Variants in PEBP4 observed in about 807,000 individuals in gnomAD.
PEBP4 encodes phosphatidylethanolamine-binding protein 4.
A neutral mutation model predicts 23.9 loss-of-function variants in PEBP4; 22 were observed. That is an observed-to-expected ratio of 0.92 (90% CI 0.66 to 1.31). PEBP4 has a LOEUF of 1.31. Ranked by LOEUF, PEBP4 falls within the 40% of genes most tolerant of loss-of-function variation. The probability of loss-of-function intolerance (pLI) is 0.00; values close to 1 mark genes in which losing one functional copy is unlikely to be tolerated. For synonymous variants in PEBP4, 112 were observed against 99.3 expected, an observed-to-expected ratio of 1.13 and a Z score of -0.76; for missense variants, 324 against 281.7, an observed-to-expected ratio of 1.15 and a Z score of -1.07.
At chr8:22,763,242 T>A (rs1585259918) in intron 4 of PEBP4, among the ~76,000 whole-genome samples, 1 of 152,150 alleles carries the variant, frequency 6.6e-6, no homozygotes, top group East Asian at 1.9e-4. Flanking sequence ...TGACCTCCGG[T>A]GATCTGCCCA....
intron 3 of PEBP4, among the ~76,000 whole-genome samples, chr8:22,901,497 C>T (rs1349789183): frequency 6.6e-6 from 1 of 152,132 alleles, no homozygotes; most frequent in Non-Finnish European, 1.5e-5. Context: ...GGGAGGGACG[C>T]AGCCCCTCCT....
intron 3 of PEBP4, among the ~76,000 whole-genome samples, chr8:22,878,360 G>A: frequency 6.6e-6 from 1 of 152,266 alleles, no homozygotes; most frequent in Middle Eastern, 3.4e-3. Flanking sequence ...ACCAGCATGG[G>A]CTCTGCGGGA....
intron 6 of PEBP4, among the ~76,000 whole-genome samples, chr8:22,719,066 C>T (rs557948785): frequency 8.5e-5 from 13 of 152,252 alleles, no homozygotes; most frequent in African/African-American, 1.4e-4. Context: ...AGTCCCTGCC[C>T]GTCTCTCCTC....
At chr8:22,810,466 G>A (rs999932016) in intron 4 of PEBP4, among the ~76,000 whole-genome samples, 1 of 152,128 alleles carries the variant, frequency 6.6e-6, no homozygotes, top group Non-Finnish European at 1.5e-5. Flanking sequence ...CATCTGCTCA[G>A]GGGTGGGTGT....
chr8:22,899,809 T>C (rs1808675511), intron 3 of PEBP4, among the ~76,000 whole-genome samples: 1 of 152,230 alleles, frequency 6.6e-6, no homozygotes, highest in Non-Finnish European at 1.5e-5. Flanking sequence ...GTGGGCATTA[T>C]GTCACTTGAG....
At chr8:22,911,332 T>G (rs1808934667) in intron 3 of PEBP4, among the ~76,000 whole-genome samples, 1 of 152,018 alleles carries the variant, frequency 6.6e-6, no homozygotes, top group Non-Finnish European at 1.5e-5. Flanking sequence ...CAACTGCCCC[T>G]GCCAGCCCAG....
chr8:22,832,207 A>G (rs970240112), intron 3 of PEBP4, among the ~76,000 whole-genome samples: 2 of 152,182 alleles, frequency 1.3e-5, no homozygotes, highest in Non-Finnish European at 2.9e-5. Context: ...TGCAACTCCA[A>G]AATGCATGTG....
At chr8:22,740,913 C>T (rs1804976462) in intron 4 of PEBP4, among the ~76,000 whole-genome samples, 1 of 152,144 alleles carries the variant, frequency 6.6e-6, no homozygotes, top group African/African-American at 2.4e-5. Flanking sequence ...AGGGAAAGGG[C>T]TGGGCACACA....
intron 3 of PEBP4, among the ~76,000 whole-genome samples, chr8:22,914,051 G>A (rs527592099): frequency 1.3e-4 from 20 of 149,692 alleles, no homozygotes; most frequent in South Asian, 4.2e-4. Context: ...ATAGTGGCGC[G>A]ATCTAGGCTC....
At chr8:22,826,642 AG>A (rs1228625088) in intron 3 of PEBP4, among the ~76,000 whole-genome samples, 5 of 152,270 alleles carry the variant, frequency 3.3e-5, no homozygotes, top group African/African-American at 9.6e-5. Context: ...TAGTGTAAAA[AG>A]CAAGGCGCAG....
chr8:22,741,707 G>A (rs1804999003), intron 4 of PEBP4, among the ~76,000 whole-genome samples: 1 of 152,226 alleles, frequency 6.6e-6, no homozygotes, highest in Non-Finnish European at 1.5e-5. Context: ...GAAGGTTTGT[G>A]TGCAGAGGAG....
intron 3 of PEBP4, among the ~76,000 whole-genome samples, chr8:22,900,763 A>C (rs934216683): frequency 6.6e-6 from 1 of 152,180 alleles, no homozygotes; most frequent in Non-Finnish European, 1.5e-5. Flanking sequence ...TGTCTATCCT[A>C]TGCTGATTTC....
intron 3 of PEBP4, among the ~76,000 whole-genome samples, chr8:22,904,295 C>T (rs953638015): frequency 2.0e-5 from 3 of 152,196 alleles, no homozygotes; most frequent in African/African-American, 7.2e-5. Context: ...GGAGCTTCTT[C>T]GTGGACCTTG....
intron 4 of PEBP4, among the ~76,000 whole-genome samples, chr8:22,791,953 C>A (rs548286941): frequency 5.6e-4 from 85 of 151,914 alleles, no homozygotes; most frequent in Non-Finnish European, 9.3e-4. Flanking sequence ...AACTCCTAGA[C>A]TCAAGTGATC....
chr8:22,713,757 A>G (rs1804357163), intron 6 of PEBP4, among the ~76,000 whole-genome samples: 1 of 152,216 alleles, frequency 6.6e-6, no homozygotes. Flanking sequence ...TGCTCCCCAG[A>G]GGGCAATGGG....
chr8:22,929,935 G>C (rs1563265814), upstream of PEBP4, among the ~76,000 whole-genome samples: 1 of 152,120 alleles, frequency 6.6e-6, no homozygotes, highest in Admixed American at 6.5e-5. Flanking sequence ...CGAACTCCTG[G>C]GCTCAAGTAA....
At chr8:22,916,708 A>G (rs185390921) in intron 3 of PEBP4, among the ~76,000 whole-genome samples, 12 of 152,304 alleles carry the variant, frequency 7.9e-5, no homozygotes, top group African/African-American at 2.9e-4. Flanking sequence ...TCACTCTCTC[A>G]CCTAGTCACC....
chr8:22,935,939 G>A (rs185995700), intron 1 of PEBP4, among the ~76,000 whole-genome samples: 2 of 149,926 alleles, frequency 1.3e-5, no homozygotes, highest in African/African-American at 4.9e-5. Context: ...AGCTTACATT[G>A]AGAAGTTGTA....
chr8:22,754,552 G>T (rs1805335908), intron 4 of PEBP4, among the ~76,000 whole-genome samples: 1 of 152,234 alleles, frequency 6.6e-6, no homozygotes, highest in African/African-American at 2.4e-5. Flanking sequence ...AGGCCTGGAA[G>T]TGAGAGAGCC....
Sources: gnomAD v4.1 joint callset for allele counts (sites outside exome capture counted in the v4.1 genomes callset) on GRCh38, gnomAD v4.1.1 for gene constraint, MANE v1.5 for transcripts, NCBI Gene and HGNC (gene_info 2026-07-23, HGNC 2026-07-21) for gene names.